Variants in PLAA observed in about 807,000 individuals in gnomAD.
PLAA encodes phospholipase A-2-activating protein.
In PLAA, 48 loss-of-function variants were observed where a neutral mutation model predicts 84.1. The observed-to-expected ratio is 0.57, with a 90% CI of 0.45 to 0.73. PLAA has a LOEUF of 0.73. Among genes scored for constraint, PLAA ranks in the 30% least tolerant of loss-of-function variants. The pLI is 0.00. For missense variants in PLAA, 903 were observed against 954.7 expected, an observed-to-expected ratio of 0.95 and a Z score of 0.71; for synonymous variants, 392 against 336.6, an observed-to-expected ratio of 1.16 and a Z score of -1.80.
intron 6 of PLAA, 118 bp downstream of exon 6, chr9:26,925,707 A>G (rs1403396469): frequency 1.3e-6 from 1 of 753,070 alleles, no homozygotes; most frequent in Admixed American, 2.5e-5. Flanking sequence ...TAGTAATTGA[A>G]GTGTCCATAT....
At chr9:26,906,667 A>T (rs1481687525) in intron 13 of PLAA, among the ~76,000 whole-genome samples, 7 of 152,020 alleles carry the variant, frequency 4.6e-5, no homozygotes, top group Non-Finnish European at 8.8e-5. Context: ...ACTTCAGGTG[A>T]TCTACCCAAG....
intron 2 of PLAA, among the ~76,000 whole-genome samples, chr9:26,932,476 T>G (rs1401833461): frequency 6.6e-6 from 1 of 152,254 alleles, no homozygotes; most frequent in Non-Finnish European, 1.5e-5. Context: ...AACACAGACA[T>G]GCTCATTCAT....
Position 26,919,473 on chromosome 9 carries a change from C to T in PLAA, c.1254G>A (p.Leu418=), listed in dbSNP as rs778431059. 6.2e-6 allele frequency: 10 copies of T among 1,610,426 alleles called. No homozygotes were observed. In the Admixed American group the frequency reaches 1.7e-4, roughly 27 times the overall value. ...DVNEGGPSYK[L]PYNTSDDPWL... is the part of the protein sequence containing the mutation. Reference sequence around the variant, plus strand: ...AAGGGTCATCACTGGTATTATATGGCAATTTATATGATGGTCCACCTTCAT... The same window carrying T: ...AAGGGTCATCACTGGTATTATATGGTAATTTATATGATGGTCCACCTTCAT... The change falls in exon 9 of 14, where the codon TTG becomes TTA. Residue 418 remains leucine (L), a synonymous_variant. Coordinates refer to ENST00000397292, the MANE Select transcript of PLAA (RefSeq NM_001031689.3).
chr9:26,907,791 ACTT>A, intron 13 of PLAA, 40 bp downstream of exon 13: 2 of 1,519,706 alleles, frequency 1.3e-6, no homozygotes, highest in Non-Finnish European at 1.8e-6. Context: ...TGAAGATAAA[ACTT>A]CTTGCTTTCT....
intron 1 of PLAA, among the ~76,000 whole-genome samples, chr9:26,946,180 G>C (rs1825702099): frequency 1.3e-5 from 2 of 152,060 alleles, no homozygotes; most frequent in East Asian, 1.9e-4. Flanking sequence ...ACTGCAATCT[G>C]TCTTCTAGGT....
chr9:26,934,522 C>G (rs1038936954), intron 2 of PLAA, among the ~76,000 whole-genome samples: 1 of 143,734 alleles, frequency 7.0e-6, no homozygotes, highest in Non-Finnish European at 1.5e-5. Flanking sequence ...CTCTGTCACC[C>G]AGGCTGGAGT....
intron 2 of PLAA, among the ~76,000 whole-genome samples, chr9:26,930,136 G>A (rs184903034): frequency 7.7e-4 from 112 of 145,796 alleles, no homozygotes; most frequent in South Asian, 1.7e-3. Context: ...ACAGAGTCTC[G>A]CTCTGTCGCC....
At position 26,946,669 on chromosome 9, in the gene PLAA, G is replaced by A. The variant is rs1176275225; in HGVS notation, c.149+228C>T. Among the ~76,000 whole-genome samples, 4 of 152,382 alleles carry A rather than the reference G, an allele frequency of 2.6e-5. No homozygotes were observed. In the East Asian group the frequency reaches 7.7e-4, roughly 29 times the overall value. On this transcript the variant is annotated intron_variant, in intron 1 of 13. Coordinates refer to ENST00000397292, the MANE Select transcript of PLAA (RefSeq NM_001031689.3). ...AGGTAGGAGACTCGTCTGTGGTCAA[G>A]TTAGCACAACAAGGCAGGTCTTTGG...
At chr9:26,911,726 T>C (rs1948445681) in intron 11 of PLAA, among the ~76,000 whole-genome samples, 1 of 152,220 alleles carries the variant, frequency 6.6e-6, no homozygotes, top group Admixed American at 6.5e-5. Flanking sequence ...TCAACTAAAG[T>C]ATAATTTAAA....
intron 2 of PLAA, among the ~76,000 whole-genome samples, chr9:26,929,958 A>G (rs919523600): frequency 3.9e-5 from 6 of 152,256 alleles, no homozygotes; most frequent in Admixed American, 3.9e-4. Flanking sequence ...TGATACTTGC[A>G]TTAGTCACCA....
In PLAA at chr9:26,904,478, T is replaced by C. The variant is rs1449475769; in HGVS notation, c.*1033A>G. On this transcript the variant is annotated 3_prime_UTR_variant, in exon 14 of 14. Coordinates refer to ENST00000397292, the MANE Select transcript of PLAA (RefSeq NM_001031689.3). ...TCTCTAGAAAGTATAGCATAGCATG[T>C]ACTTTAAGTAGTTAACTCCCTCTTG... The C allele has an allele frequency of 6.6e-6, 1 of 152,172 alleles. No homozygotes were observed. The highest frequency in any genetic ancestry group is 1.5e-5 in the Non-Finnish European group (1 of 67,980). 9.4% of individuals were successfully genotyped at this position (152,172 alleles called of 1,614,324 possible).
chr9:26,933,156 T>C (rs890015084), intron 2 of PLAA, among the ~76,000 whole-genome samples: 1 of 151,912 alleles, frequency 6.6e-6, no homozygotes, highest in Non-Finnish European at 1.5e-5. Flanking sequence ...TAGTCCCAGA[T>C]ACTCAGAAGG....
intron 2 of PLAA, among the ~76,000 whole-genome samples, chr9:26,932,470 C>T (rs1276031082): frequency 1.3e-5 from 2 of 152,218 alleles, no homozygotes; most frequent in Admixed American, 6.5e-5. Context: ...TATTGAAACA[C>T]AGACATGCTC....
chr9:26,939,031 A>C (rs1319084525), intron 1 of PLAA, among the ~76,000 whole-genome samples: 3 of 152,204 alleles, frequency 2.0e-5, no homozygotes, highest in African/African-American at 7.2e-5. Flanking sequence ...ATTAAATATA[A>C]TCCTCATGGT....
At chr9:26,945,425 C>T (rs905620209) in intron 1 of PLAA, among the ~76,000 whole-genome samples, 1 of 152,168 alleles carries the variant, frequency 6.6e-6, no homozygotes, top group African/African-American at 2.4e-5. Context: ...ATTAGTATTA[C>T]TAAGTAGTTT....
At position 26,903,541 on chromosome 9, in the gene PLAA, G is replaced by A. The variant is rs1824143609; in HGVS notation, c.*1970C>T. On this transcript the variant is annotated 3_prime_UTR_variant, in exon 14 of 14. Transcript: ENST00000397292. Reference sequence around the variant, plus strand: ...TTAAGAATAGTTTTCTCTAGATAGTGGCCTTACAGGCAATTTTTATTTGGG... The same window carrying A: ...TTAAGAATAGTTTTCTCTAGATAGTAGCCTTACAGGCAATTTTTATTTGGG... 6.6e-6 allele frequency among the ~76,000 whole-genome samples: 1 copy of A among 152,116 alleles called. No homozygotes were observed. The highest frequency in any genetic ancestry group is 1.5e-5 in the Non-Finnish European group (1 of 67,992).
At chr9:26,943,237 C>T (rs1825595554) in intron 1 of PLAA, among the ~76,000 whole-genome samples, 1 of 152,128 alleles carries the variant, frequency 6.6e-6, no homozygotes, top group Non-Finnish European at 1.5e-5. Flanking sequence ...GTTCAATGCC[C>T]AACCAACAGA....
At chr9:26,946,512 G>GAA (rs75570453) in intron 1 of PLAA, among the ~76,000 whole-genome samples, 4,258 of 123,024 alleles carry the variant, frequency 0.035, 164 homozygotes, top group East Asian at 0.1. Context: ...CATCTTCTTC[G>GAA]AAAAAAAAAA....
chr9:26,909,464 A>C (rs181775345), intron 12 of PLAA, among the ~76,000 whole-genome samples: 1 of 152,280 alleles, frequency 6.6e-6, no homozygotes, highest in African/African-American at 2.4e-5. Flanking sequence ...ATGTTACGTT[A>C]TGTTAACCCA....
Sources: gnomAD v4.1 joint callset for allele counts (sites outside exome capture counted in the v4.1 genomes callset) on GRCh38, gnomAD v4.1.1 for gene constraint, MANE v1.5 for transcripts, NCBI Gene and HGNC (gene_info 2026-07-23, HGNC 2026-07-21) for gene names.